The following TMEM108 variants were observed in gnomAD, a reference collection of about 807,000 sequenced individuals.
TMEM108 encodes transmembrane protein 108.
A neutral mutation model predicts 35.1 loss-of-function variants in TMEM108; 12 were observed. The observed-to-expected ratio is 0.34, with a 90% CI of 0.22 to 0.55. The LOEUF is 0.55. Among genes scored for constraint, TMEM108 ranks in the 20% least tolerant of loss-of-function variants. TMEM108 has a pLI of 0.89. For missense variants in TMEM108, 680 were observed against 753.3 expected (o/e 0.90, Z 1.14); for synonymous variants, 287 against 308.6 (o/e 0.93, Z 0.73).
At position 133,063,942 on chromosome 3, in the gene TMEM108, T is replaced by C. The variant is rs190376801; in HGVS notation, c.-47+17922T>C. 1.9e-4 allele frequency among the ~76,000 whole-genome samples: 29 copies of C among 152,310 alleles called. No homozygotes were observed. In the East Asian group the frequency reaches 5.6e-3, roughly 29 times the overall value. The stretch of plus-strand genomic sequence containing the variant: ...GTTTTATTCAACTTTGTGGATCACT[T>C]CACGTATTTCACCACATAGACAGCA... On this transcript the variant is annotated intron_variant, in intron 2 of 5. Transcript: ENST00000321871.
intron 3 of TMEM108, among the ~76,000 whole-genome samples, chr3:133,232,767 G>C (rs62280358): frequency 0.53 from 80,689 of 151,364 alleles, 23,207 homozygotes; most frequent in Middle Eastern, 0.67. Flanking sequence ...CTCTACTCAG[G>C]AATGTGGTAC....
intron 3 of TMEM108, among the ~76,000 whole-genome samples, chr3:133,330,032 GA>G (rs199643616): frequency 6.6e-6 from 1 of 150,548 alleles, no homozygotes; most frequent in Admixed American, 6.6e-5. Flanking sequence ...TGCTTTTGGA[GA>G]AAAAAAAATC....
chr3:133,335,432 T>G (rs1041244076), intron 3 of TMEM108, among the ~76,000 whole-genome samples: 1 of 152,214 alleles, frequency 6.6e-6, no homozygotes, highest in Non-Finnish European at 1.5e-5. Flanking sequence ...GATAGAGGAT[T>G]GTTTTATAAA....
At chr3:133,247,392 G>A (rs1946402163) in intron 3 of TMEM108, 1 of 152,080 alleles carries the variant, frequency 6.6e-6, no homozygotes, top group African/African-American at 2.4e-5. Context: ...TGTTTTAGGA[G>A]CTAACATTTC....
chr3:133,338,545 A>C (rs1328263356), intron 3 of TMEM108, among the ~76,000 whole-genome samples: 3 of 152,090 alleles, frequency 2.0e-5, no homozygotes, highest in Non-Finnish European at 4.4e-5. Context: ...GTCCTACAAG[A>C]AATGCTAAAT....
intron 3 of TMEM108, among the ~76,000 whole-genome samples, chr3:133,234,165 T>G (rs1946197735): frequency 6.6e-6 from 1 of 152,152 alleles, no homozygotes; most frequent in Admixed American, 6.5e-5. Flanking sequence ...AGGGTTTTTA[T>G]GGTTTTAGGT....
intron 2 of TMEM108, among the ~76,000 whole-genome samples, chr3:133,218,632 G>A (rs749897043): frequency 1.3e-5 from 2 of 151,716 alleles, no homozygotes; most frequent in Non-Finnish European, 2.9e-5. Flanking sequence ...TTTTTCAAAC[G>A]GTTTGACTTT....
intron 3 of TMEM108, among the ~76,000 whole-genome samples, chr3:133,309,682 CTTTTTTTTTTTT>C (rs148272827): frequency 2.9e-4 from 20 of 69,184 alleles, no homozygotes; most frequent in African/African-American, 9.9e-4. Context: ...GAGTGAGTTT[CTTTTTTTTTTTT>C]TTTTTTTTTT....
In TMEM108 at chr3:133,227,651, C is replaced by T. The variant is rs546112560; in HGVS notation, c.-46-1615C>T. 1.4e-4 allele frequency among the ~76,000 whole-genome samples: 21 copies of T among 151,664 alleles called. No homozygotes were observed. In the South Asian group the frequency reaches 4.0e-3, roughly 29 times the overall value. ...GTGGCTCACACCTGTAATCCCAGCACTTTGGGAGGCTGAGATGGGCAGATC... is the reference window on the plus strand; with the variant it reads ...GTGGCTCACACCTGTAATCCCAGCATTTTGGGAGGCTGAGATGGGCAGATC... On this transcript the variant is annotated intron_variant, in intron 2 of 5. Coordinates refer to ENST00000321871, the MANE Select transcript of TMEM108 (RefSeq NM_023943.4).
chr3:133,180,716 T>C (rs2107802893), intron 2 of TMEM108, among the ~76,000 whole-genome samples: 1 of 152,236 alleles, frequency 6.6e-6, no homozygotes, highest in East Asian at 1.9e-4. Flanking sequence ...TTTTAAAACA[T>C]AAATATTTGC....
At chr3:133,226,659 T>G (rs1946075736) in intron 2 of TMEM108, among the ~76,000 whole-genome samples, 1 of 152,174 alleles carries the variant, frequency 6.6e-6, no homozygotes, top group South Asian at 2.1e-4. Context: ...TGGAATTCCC[T>G]TGGCTGAGAG....
chr3:133,167,085 T>C lies in TMEM108; in HGVS notation c.-46-62181T>C, dbSNP rs539305308. Among the ~76,000 whole-genome samples, 55 of 152,288 alleles carry C rather than the reference T, an allele frequency of 3.6e-4. No homozygotes were observed. In the South Asian group the frequency reaches 0.011, roughly 29 times the overall value. On this transcript the variant is annotated intron_variant, in intron 2 of 5. Coordinates refer to ENST00000321871, the MANE Select transcript of TMEM108 (RefSeq NM_023943.4). ...CCTTGAGCTAGACACAGAATGCTGA[T>C]TGGTGTGTTTACAATCCTTTAGCTA...
chr3:133,283,602 TAAGAGACTG>T (rs1241891103), intron 3 of TMEM108, among the ~76,000 whole-genome samples: 1 of 152,322 alleles, frequency 6.6e-6, no homozygotes, highest in East Asian at 1.9e-4. Flanking sequence ...GTGAGACAAA[TAAGAGACTG>T]AATCAGGGAA....
chr3:133,194,182 G>A (rs752018375), intron 2 of TMEM108, among the ~76,000 whole-genome samples: 1 of 152,020 alleles, frequency 6.6e-6, no homozygotes, highest in Non-Finnish European at 1.5e-5. Context: ...TGATCCGCCC[G>A]CCTCAGCCTC....
At chr3:133,041,782 A>G (rs1576287761) in intron 1 of TMEM108, 2 of 152,326 alleles carry the variant, frequency 1.3e-5, no homozygotes, top group African/African-American at 4.8e-5. Context: ...AATTATTTGC[A>G]TGTGAAGCTA....
chr3:133,104,566 C>A (rs974229759), intron 2 of TMEM108, among the ~76,000 whole-genome samples: 1 of 152,022 alleles, frequency 6.6e-6, no homozygotes, highest in Non-Finnish European at 1.5e-5. Flanking sequence ...TTTCTGATAT[C>A]CATATGCTTC....
intron 2 of TMEM108, among the ~76,000 whole-genome samples, chr3:133,224,278 C>G (rs955415155): frequency 2.0e-5 from 3 of 152,094 alleles, no homozygotes; most frequent in Non-Finnish European, 4.4e-5. Context: ...GCTTGTGGGT[C>G]GCCCTTGACT....
At chr3:133,282,951 T>C (rs1333112072) in intron 3 of TMEM108, among the ~76,000 whole-genome samples, 1 of 152,204 alleles carries the variant, frequency 6.6e-6, no homozygotes, top group Non-Finnish European at 1.5e-5. Context: ...AACCAATGCA[T>C]GGTGTTACTT....
chr3:133,192,348 C>A (rs1945510674), intron 2 of TMEM108, among the ~76,000 whole-genome samples: 1 of 152,144 alleles, frequency 6.6e-6, no homozygotes, highest in Non-Finnish European at 1.5e-5. Context: ...AGTTGTCCAG[C>A]AGGCATGTGG....
Sources: allele counts gnomAD v4.1 joint callset (sites outside exome capture counted in the v4.1 genomes callset), GRCh38; gene constraint gnomAD v4.1.1; transcripts MANE v1.5; gene names NCBI Gene and HGNC (gene_info 2026-07-23, HGNC 2026-07-21).